The following MEGF8 variants were observed in gnomAD, a reference collection of about 807,000 sequenced individuals.
MEGF8 encodes the protein multiple EGF like domains 8.
Under a neutral mutation model 302.9 loss-of-function variants are expected in MEGF8, and 156 were observed. The observed-to-expected ratio is 0.52, with a 90% CI of 0.45 to 0.59. The LOEUF (loss-of-function observed/expected upper bound fraction) is 0.59. Ranked by LOEUF, MEGF8 falls within the 20% of genes least tolerant of loss-of-function variation. MEGF8 has a pLI of 0.00. For missense variants in MEGF8, 3,345 were observed against 3,964.5 expected (o/e 0.84, Z 4.20); for synonymous variants, 1,621 against 1,660.5 (o/e 0.98, Z 0.58).
chr19:42,349,692 G>T lies in MEGF8; in HGVS notation c.2492G>T (p.Gly831Val). 1 of 1,611,554 alleles carries T rather than the reference G, an allele frequency of 6.2e-7. No homozygotes were observed. The change falls in exon 14 of 42, where the codon GGA becomes GTA. Residue 831 changes from glycine to valine, a missense_variant. Gly to Val is a moderately radical substitution (Grantham distance 109). Transcript: ENST00000251268. ...TLLWDRTGVP[G>V]GSEISFFFLE... ...CTGTGGGATCGGACTGGTGTGCCAG[G>T]AGGCAGCGTGAGTACCCAGGACCTA...
Position 42,351,318 on chromosome 19 carries a change from C to G in MEGF8, c.2839C>G (p.Pro947Ala), listed in dbSNP as rs1368035951. 7 of 1,567,860 alleles carry G rather than the reference C, an allele frequency of 4.5e-6. No individual in the cohort carries two copies. Among genetic ancestry groups the G allele is most frequent in the Non-Finnish European group, 2.6e-6 (3 of 1,156,032 alleles). Residue 947 changes from proline (P) to alanine (A), a missense_variant, in exon 16 of 42, where the codon CCC becomes GCC. By Grantham distance (27) the Pro-to-Ala change is conservative. Coordinates refer to ENST00000251268, the MANE Select transcript of MEGF8 (RefSeq NM_001271938.2). The surrounding 1 kb of genome is among the most constrained non-coding windows in gnomAD (Gnocchi z 5.6). ...TGCCCTGAAGAGTCCAGAGGAGTGT[C>G]CCCCGCTCTGCAGCCAGTGAGTCAG... The part of the protein sequence containing the change: ...RGALKSPEEC[P>A]PLCSQRLTCE...
rs750246220 is a variant in MEGF8, at chr19:42,356,315, A to G, written c.4504-20A>G. 69 of 1,604,788 alleles carry G rather than the reference A, an allele frequency of 4.3e-5. No individual in the cohort carries two copies. The highest frequency in any genetic ancestry group is 3.0e-4 in the South Asian group (27 of 89,192). Reference sequence around the variant, plus strand: ...TGTCCTGACCCTAGCCTGATCCCCAATGTCCGCACCCACCCCTAGGACACT... The same window carrying G: ...TGTCCTGACCCTAGCCTGATCCCCAGTGTCCGCACCCACCCCTAGGACACT... On this transcript the variant is annotated intron_variant, in intron 25 of 41. Transcript: ENST00000251268. The surrounding 1 kb of genome is among the most constrained non-coding windows in gnomAD (Gnocchi z 5.2).
At position 42,369,654 on chromosome 19, in the gene MEGF8, C is replaced by T. The variant is rs145630132; in HGVS notation, c.6765C>T (p.Cys2255=). Residue 2255 remains cysteine (C), a synonymous_variant, in exon 38 of 42, where the codon TGC becomes TGT. Coordinates refer to ENST00000251268, the MANE Select transcript of MEGF8 (RefSeq NM_001271938.2). The surrounding 1 kb of genome is among the most constrained non-coding windows in gnomAD (Gnocchi z 5.7). ...VGRNCSTECR[C]NRHSECAGVG... Reference sequence around the variant, plus strand: ...GCAACTGCTCCACGGAATGCCGCTGCAACCGCCACAGTGAATGCGCTGGTG... The same window carrying T: ...GCAACTGCTCCACGGAATGCCGCTGTAACCGCCACAGTGAATGCGCTGGTG... The T allele has an allele frequency of 2.0e-4, 323 of 1,608,246 alleles. No individual in the cohort carries two copies. Among genetic ancestry groups the T allele is most frequent in the Non-Finnish European group, 2.6e-4 (303 of 1,176,504 alleles).
intron 1 of MEGF8, among the ~76,000 whole-genome samples, chr19:42,329,281 G>A (rs2039024905): frequency 6.6e-6 from 1 of 152,194 alleles, no homozygotes; most frequent in Non-Finnish European, 1.5e-5. Context: ...CAGGAGTAGG[G>A]CATTGCCCTC....
Position 42,344,008 on chromosome 19 carries a change from C to T in MEGF8, c.1723C>T (p.Pro575Ser). 1 of 1,613,792 alleles carries T rather than the reference C, an allele frequency of 6.2e-7. No individual in the cohort carries two copies. The highest frequency in any genetic ancestry group is 8.5e-7 in the Non-Finnish European group (1 of 1,179,788). The change falls in exon 10 of 42, where the codon CCG becomes TCG. Residue 575 changes from proline to serine, a missense_variant. Physicochemically the swap from Pro to Ser is moderately conservative, Grantham distance 74 (BLOSUM62 -1). Transcript: ENST00000251268. This position sits in a 1 kb window ranked among gnomAD's most constrained non-coding sequence, Gnocchi z 4.5. Reference sequence around the variant, plus strand: ...AGACCACAGCGTCTGCTCCCGGGACCCGGAATGCAGTTGGTGCCAAGGAGC... The same window carrying T: ...AGACCACAGCGTCTGCTCCCGGGACTCGGAATGCAGTTGGTGCCAAGGAGC... The part of the protein sequence containing the change: ...YTDHSVCSRD[P>S]ECSWCQGACQ...
At position 42,357,721 on chromosome 19, in the gene MEGF8, G is replaced by T; in HGVS notation, c.5011+137G>T. 1 of 809,342 alleles carries T rather than the reference G, an allele frequency of 1.2e-6. No homozygotes were observed. Among genetic ancestry groups the T allele is most frequent in the East Asian group, 2.7e-5 (1 of 37,130 alleles). 50.1% of individuals were successfully genotyped at this position (809,342 alleles called of 1,614,324 possible). The stretch of plus-strand genomic sequence containing the variant: ...TCCCATCCCCATGCAGATTCTCAGG[G>T]CACCCTCTTGAATGTTCAGATTTTC... On this transcript the variant is annotated intron_variant, in intron 28 of 41. Coordinates refer to ENST00000251268, the MANE Select transcript of MEGF8 (RefSeq NM_001271938.2). The surrounding 1 kb of genome is among the most constrained non-coding windows in gnomAD (Gnocchi z 5.2).
At chr19:42,327,071 C>G (rs886546779) in intron 1 of MEGF8, among the ~76,000 whole-genome samples, 1 of 152,138 alleles carries the variant, frequency 6.6e-6, no homozygotes, top group African/African-American at 2.4e-5. Context: ...TTCCTTCCCC[C>G]ACAAATGGGA....
Position 42,368,936 on chromosome 19 carries a change from C to T in MEGF8, c.6575C>T (p.Thr2192Met), listed in dbSNP as rs367956687. The part of the protein sequence containing the change: ...CANGHHDCNE[T>M]QNCHDQPHGY... ...AACGGGCACCACGACTGCAACGAGA[C>T]GCAGAATTGCCACGACCAGCCCCAC... Residue 2192 changes from threonine (T) to methionine (M), a missense_variant, in exon 37 of 42, where the codon ACG becomes ATG. Coordinates refer to ENST00000251268, the MANE Select transcript of MEGF8 (RefSeq NM_001271938.2). This position sits in a 1 kb window ranked among gnomAD's most constrained non-coding sequence, Gnocchi z 4.9. The T allele has an allele frequency of 1.1e-5, 18 of 1,613,776 alleles. No individual in the cohort carries two copies. The highest frequency in any genetic ancestry group is 2.2e-5 in the East Asian group (1 of 44,896).
At chr19:42,366,154 G>C (rs1441758364) in intron 35 of MEGF8, among the ~76,000 whole-genome samples, 2 of 152,174 alleles carry the variant, frequency 1.3e-5, no homozygotes, top group Non-Finnish European at 2.9e-5. Flanking sequence ...GGTGATACCT[G>C]TTATGATTTG....
At position 42,349,824 on chromosome 19, in the gene MEGF8, T is replaced by C. The variant is rs2039343133; in HGVS notation, c.2499+125T>C. 2.9e-6 allele frequency: 3 copies of C among 1,017,652 alleles called. 1 individual carries two copies. The Middle Eastern group carries it at 7.5e-4, about 255-fold the overall frequency. 63.0% of individuals were successfully genotyped at this position (1,017,652 alleles called of 1,614,324 possible). A position where few individuals can be genotyped will look rare whatever the true frequency, so the allele number is the denominator to read the frequency against. ...TTCTGGCCTCGGACTCCTTAACTCT[T>C]GGCCTCTGAACTCTGGACCTCCTCT... On this transcript the variant is annotated intron_variant, in intron 14 of 41. Transcript: ENST00000251268.
In MEGF8 at chr19:42,352,337, G is replaced by A. The variant is rs533273623; in HGVS notation, c.3231G>A (p.Glu1077=). 52 of 1,586,108 alleles carry A rather than the reference G, an allele frequency of 3.3e-5. 1 individual carries two copies. In the South Asian group the frequency reaches 5.5e-4, roughly 17 times the overall value. The change falls in exon 19 of 42, where the codon GAG becomes GAA. Residue 1077 remains glutamate, a synonymous_variant. Transcript: ENST00000251268. The surrounding 1 kb of genome is among the most constrained non-coding windows in gnomAD (Gnocchi z 4.4). Reference sequence around the variant, plus strand: ...ACGCCCGCTGTCCTGACGTGGATGAGTGTCGCCTGGGCCTGGCCCGGTGCC... The same window carrying A: ...ACGCCCGCTGTCCTGACGTGGATGAATGTCGCCTGGGCCTGGCCCGGTGCC... ...WAYARCPDVD[E]CRLGLARCHP... is the part of the protein sequence containing the mutation.
chr19:42,355,451 A>G (rs1263458813), intron 23 of MEGF8, among the ~76,000 whole-genome samples: 2 of 152,072 alleles, frequency 1.3e-5, no homozygotes, highest in African/African-American at 2.4e-5. Flanking sequence ...CTGGGCCACC[A>G]TGAGTGGGGA....
rs372990722 is a variant in MEGF8 at position 42,326,516 on chromosome 19, C to T, written c.187+86C>T. ...ATCCACTCACCACATTCCCAGAGCT[C>T]GGTTCTGGTCCAGGCCTTTTGCTCT... On this transcript the variant is annotated intron_variant, in intron 1 of 41. Transcript: ENST00000251268. 1.9e-5 allele frequency: 28 copies of T among 1,451,564 alleles called. No individual in the cohort carries two copies. The East Asian group carries it at 7.7e-4, about 40-fold the overall frequency. 89.9% of individuals were successfully genotyped at this position (1,451,564 alleles called of 1,614,324 possible).
chr19:42,346,984 C>CAAAAAA (rs767117534), intron 12 of MEGF8, among the ~76,000 whole-genome samples: 294 of 44,448 alleles, frequency 6.6e-3, no homozygotes, highest in Non-Finnish European at 8.9e-3. Flanking sequence ...GACTCTGTCT[C>CAAAAAA]AAAAAAAAAA....
chr19:42,363,114 T>C lies in MEGF8; in HGVS notation c.6125T>C (p.Leu2042Pro). ...YDWTCFSHSL[L>P]NVSPMPVESS... ...TGGACGTGCTTCAGCCACTCTCTGC[T>C]GAATGTGTCCCCCATGCCGGTGGAA... The change falls in exon 35 of 42, where the codon CTG becomes CCG. Residue 2042 changes from leucine (L) to proline (P), a missense_variant. By Grantham distance (98) the Leu-to-Pro change is moderately conservative. Transcript: ENST00000251268. 1 of 1,613,418 alleles carries C rather than the reference T, an allele frequency of 6.2e-7. No individual in the cohort carries two copies. The highest frequency in any genetic ancestry group is 8.5e-7 in the Non-Finnish European group (1 of 1,179,654).
At position 42,336,170 on chromosome 19, in the gene MEGF8, C is replaced by T. The variant is rs766759999; in HGVS notation, c.1068C>T (p.His356=). The change falls in exon 6 of 42, where the codon CAC becomes CAT. Residue 356 remains histidine, a synonymous_variant. Coordinates refer to ENST00000251268, the MANE Select transcript of MEGF8 (RefSeq NM_001271938.2). This position sits in a 1 kb window ranked among gnomAD's most constrained non-coding sequence, Gnocchi z 4.8. ...ATGTGTCTGGAGGCCGCACCCCGCA[C>T]GACCTCTTCTCCTCTGGCCTCTTCC... ...WLYVSGGRTP[H]DLFSSGLFRF... The T allele has an allele frequency of 9.3e-6, 15 of 1,610,960 alleles. No individual in the cohort carries two copies. Among genetic ancestry groups the T allele is most frequent in the Admixed American group, 3.3e-5 (2 of 60,028 alleles).
At chr19:42,366,535 C>T (rs550859261) in intron 35 of MEGF8, among the ~76,000 whole-genome samples, 12 of 152,302 alleles carry the variant, frequency 7.9e-5, no homozygotes, top group South Asian at 4.1e-4. Context: ...GCCTGTGAGT[C>T]TGGGGCAGGC....
chr19:42,358,820 C>T lies in MEGF8; in HGVS notation c.5209C>T (p.Arg1737Trp), dbSNP rs375083726. Reference protein sequence around the residue: ...DRMRNVRGSSRGLGQVPGEQP... With the variant: ...DRMRNVRGSSWGLGQVPGEQP... ...TATGAGGAATGTGCGTGGCTCATCTCGGGGTCTGGGCCAAGTTCCTGGGGA... is the reference window on the plus strand; with the variant it reads ...TATGAGGAATGTGCGTGGCTCATCTTGGGGTCTGGGCCAAGTTCCTGGGGA... The change falls in exon 30 of 42, where the codon CGG (arginine) becomes TGG (tryptophan). Residue 1737 changes from arginine (R) to tryptophan (W), a missense_variant. Coordinates refer to ENST00000251268, the MANE Select transcript of MEGF8 (RefSeq NM_001271938.2). This position sits in a 1 kb window ranked among gnomAD's most constrained non-coding sequence, Gnocchi z 4.4. 6 of 1,591,548 alleles carry T rather than the reference C, an allele frequency of 3.8e-6. No homozygotes were observed. The highest frequency in any genetic ancestry group is 2.2e-5 in the East Asian group (1 of 44,654).
Position 42,358,748 on chromosome 19 carries a change from CGAG to C in MEGF8, c.5176-35_5176-33del, listed in dbSNP as rs1568570750. 3 of 1,477,870 alleles carry C rather than the reference CGAG, an allele frequency of 2.0e-6. No homozygotes were observed. In the East Asian group the frequency reaches 7.3e-5, roughly 36 times the overall value. 91.5% of individuals were successfully genotyped at this position (1,477,870 alleles called of 1,614,324 possible). ...GGCAGGGGGCTAGAAGCAAGAGACT[CGAG>C]GAGCCTCAACCCCAGGACGCCCCCA... On this transcript the variant is annotated intron_variant, in intron 29 of 41. Coordinates refer to ENST00000251268, the MANE Select transcript of MEGF8 (RefSeq NM_001271938.2). This position sits in a 1 kb window ranked among gnomAD's most constrained non-coding sequence, Gnocchi z 4.4.
Sources: allele counts gnomAD v4.1 joint callset (sites outside exome capture counted in the v4.1 genomes callset), GRCh38; gene constraint gnomAD v4.1.1; non-coding constraint Gnocchi (gnomAD v3.1); transcripts MANE v1.5; gene names NCBI Gene and HGNC (gene_info 2026-07-23, HGNC 2026-07-21).